The following DAAM1 variants were observed in gnomAD, a reference collection of about 807,000 sequenced individuals.
DAAM1 encodes disheveled-associated activator of morphogenesis 1.
In DAAM1, 52 loss-of-function variants were observed where a neutral mutation model predicts 130.0. That is an observed-to-expected ratio of 0.40 (90% confidence interval 0.32 to 0.50). DAAM1 has a LOEUF of 0.50. Among genes scored for constraint, DAAM1 ranks in the 20% least tolerant of loss-of-function variants. DAAM1 has a pLI of 0.61. For synonymous variants in DAAM1, 452 were observed against 444.5 expected (o/e 1.02, Z -0.21); for missense variants, 1,134 against 1,303.8 (o/e 0.87, Z 2.01).
chr14:59,262,653 AGTGT>A (rs5809025), intron 1 of DAAM1, among the ~76,000 whole-genome samples: 4,114 of 140,744 alleles, frequency 0.029, 67 homozygotes, highest in Middle Eastern at 0.059. Flanking sequence ...ATATTCTATT[AGTGT>A]GTGTGTGTGT....
intron 2 of DAAM1, among the ~76,000 whole-genome samples, chr14:59,277,100 A>G (rs534629091): frequency 1.3e-5 from 2 of 152,254 alleles, no homozygotes; most frequent in African/African-American, 4.8e-5. Flanking sequence ...AATGCTTTAG[A>G]TATTGCTTTA....
At chr14:59,231,794 A>G (rs571813469) in intron 1 of DAAM1, among the ~76,000 whole-genome samples, 1 of 152,168 alleles carries the variant, frequency 6.6e-6, no homozygotes, top group Non-Finnish European at 1.5e-5. Flanking sequence ...TTGTTGGTCA[A>G]CACCGAGGAG....
chr14:59,220,879 C>A (rs951966387), intron 1 of DAAM1, among the ~76,000 whole-genome samples: 11 of 152,152 alleles, frequency 7.2e-5, no homozygotes, highest in African/African-American at 2.7e-4. Context: ...TTGGATGATG[C>A]CCACGCACAT....
intron 1 of DAAM1, among the ~76,000 whole-genome samples, chr14:59,252,476 C>T (rs979636976): frequency 2.0e-5 from 3 of 152,108 alleles, no homozygotes; most frequent in Non-Finnish European, 4.4e-5. Flanking sequence ...AAAAAAATGC[C>T]TTTTCCCGTC....
chr14:59,324,192 C>A lies in DAAM1; in HGVS notation c.839C>A (p.Ala280Asp). 2.1e-6 allele frequency: 3 copies of A among 1,460,690 alleles called. No individual in the cohort carries two copies. The South Asian group carries it at 5.0e-5, about 25-fold the overall frequency. The allele number at this position is 1,460,690 out of a possible 1,614,324, so 90.5% of individuals were successfully genotyped here. A position where few individuals can be genotyped will look rare whatever the true frequency, so the allele number is the denominator to read the frequency against. ...CGAGATGAAGTGAGTCTCAAGACTGCCATCATGTCCTTCATTAATGCAGTG... is the reference window on the plus strand; with the variant it reads ...CGAGATGAAGTGAGTCTCAAGACTGACATCATGTCCTTCATTAATGCAGTG... ...RYRDEVSLKT[A>D]IMSFINAVLS... Residue 280 changes from alanine (A) to aspartate (D), a missense_variant, in exon 7 of 25, where the codon GCC becomes GAC. Ala to Asp is a moderately radical substitution (Grantham distance 126). Coordinates refer to ENST00000360909, the MANE Select transcript of DAAM1 (RefSeq NM_001270520.2).
intron 2 of DAAM1, among the ~76,000 whole-genome samples, chr14:59,290,461 T>C (rs2139563807): frequency 6.6e-6 from 1 of 152,314 alleles, no homozygotes; most frequent in South Asian, 2.1e-4. Context: ...AGTGTGGATG[T>C]AGTAATGAGT....
intron 2 of DAAM1, among the ~76,000 whole-genome samples, chr14:59,289,195 A>G (rs1594802199): frequency 6.6e-6 from 1 of 152,016 alleles, no homozygotes; most frequent in African/African-American, 2.4e-5. Context: ...GATTACAGGC[A>G]TGAGCCACCA....
intron 1 of DAAM1, among the ~76,000 whole-genome samples, chr14:59,250,809 T>C (rs1451986926): frequency 1.3e-5 from 2 of 152,258 alleles, no homozygotes; most frequent in Non-Finnish European, 2.9e-5. Flanking sequence ...TATAGGTAGG[T>C]ACATACATAT....
chr14:59,355,118 AC>A, intron 19 of DAAM1, 46 bp from the exon 20 acceptor site: 1 of 1,583,900 alleles, frequency 6.3e-7, no homozygotes, highest in Non-Finnish European at 8.6e-7. Flanking sequence ...TTGATTTCAA[AC>A]AACGAAACAC....
chr14:59,221,016 C>T (rs1468698001), intron 1 of DAAM1, among the ~76,000 whole-genome samples: 5 of 152,194 alleles, frequency 3.3e-5, no homozygotes, highest in African/African-American at 7.2e-5. Flanking sequence ...AGTCAAATTA[C>T]ACAAGTCTAC....
intron 3 of DAAM1, among the ~76,000 whole-genome samples, chr14:59,302,420 A>G (rs2099636): frequency 0.62 from 93,882 of 152,042 alleles, 30,066 homozygotes; most frequent in East Asian, 0.9. Context: ...AGTGTGTCCT[A>G]TGGAGCTCTC....
chr14:59,364,834 G>T, intron 23 of DAAM1, among the ~76,000 whole-genome samples: 1 of 150,466 alleles, frequency 6.6e-6, no homozygotes, highest in East Asian at 1.9e-4. Flanking sequence ...TGTTCAAATG[G>T]CTGCTGTCAG....
At chr14:59,212,704 AGTTT>A (rs1443345868) in intron 1 of DAAM1, among the ~76,000 whole-genome samples, 1 of 152,210 alleles carries the variant, frequency 6.6e-6, no homozygotes, top group Non-Finnish European at 1.5e-5. Context: ...GGATCTAACT[AGTTT>A]GTCAGTGTAG....
At chr14:59,296,973 AGAGT>A (rs78694223) in intron 3 of DAAM1, among the ~76,000 whole-genome samples, 9,874 of 152,238 alleles carry the variant, frequency 0.065, 407 homozygotes, top group Non-Finnish European at 0.097. Flanking sequence ...TGAGAAAGAG[AGAGT>A]AAGATGGAAA....
chr14:59,338,574 A>G (rs1273969692), intron 15 of DAAM1, among the ~76,000 whole-genome samples: 1 of 152,110 alleles, frequency 6.6e-6, no homozygotes, highest in Non-Finnish European at 1.5e-5. Flanking sequence ...CTCTTAAATG[A>G]GTATCTAGAG....
intron 2 of DAAM1, among the ~76,000 whole-genome samples, chr14:59,274,422 T>C (rs1420111248): frequency 6.8e-6 from 1 of 148,064 alleles, no homozygotes; most frequent in African/African-American, 2.7e-5. Context: ...AGTCAGATAG[T>C]TTGAGTTTTT....
At chr14:59,315,886 C>T (rs17096066) in intron 4 of DAAM1, among the ~76,000 whole-genome samples, 9,661 of 152,200 alleles carry the variant, frequency 0.063, 398 homozygotes, top group Non-Finnish European at 0.094. Flanking sequence ...AATAATAGTG[C>T]TGAGATGTCC....
At chr14:59,193,663 A>G (rs1341241046) in intron 1 of DAAM1, among the ~76,000 whole-genome samples, 1 of 152,146 alleles carries the variant, frequency 6.6e-6, no homozygotes, top group Admixed American at 6.5e-5. Flanking sequence ...GTTACCAAAT[A>G]CACCCTCAGC....
chr14:59,210,290 G>A (rs187900811), intron 1 of DAAM1, among the ~76,000 whole-genome samples: 46 of 152,264 alleles, frequency 3.0e-4, no homozygotes, highest in Middle Eastern at 3.4e-3. Flanking sequence ...ATCTGTGATT[G>A]GACAACTAGC....
Sources: gnomAD v4.1 joint callset for allele counts (sites outside exome capture counted in the v4.1 genomes callset) on GRCh38, gnomAD v4.1.1 for gene constraint, MANE v1.5 for transcripts, NCBI Gene and HGNC (gene_info 2026-07-23, HGNC 2026-07-21) for gene names.